Variants in FDX1 observed in about 807,000 individuals in gnomAD.
The protein encoded by FDX1 is ferredoxin 1.
Under a neutral mutation model 14.9 loss-of-function variants are expected in FDX1, and 9 were observed. The observed-to-expected ratio is 0.60, with a 90% CI of 0.36 to 1.05. FDX1 has a LOEUF of 1.05. FDX1 is among the 50% of genes least tolerant of loss of function. FDX1 has a pLI of 0.01. For missense variants in FDX1, 204 were observed against 237.2 expected (o/e 0.86, Z 0.92); for synonymous variants, 92 against 99.4 (o/e 0.93, Z 0.44).
At chr11:110,436,344 G>A (rs1946369061) in intron 2 of FDX1, among the ~76,000 whole-genome samples, 1 of 152,184 alleles carries the variant, frequency 6.6e-6, no homozygotes, top group Non-Finnish European at 1.5e-5. Flanking sequence ...ATCCTAGAAA[G>A]TGATTTATTT....
At chr11:110,451,747 G>A (rs1946487942) in intron 2 of FDX1, among the ~76,000 whole-genome samples, 1 of 152,236 alleles carries the variant, frequency 6.6e-6, no homozygotes, top group South Asian at 2.1e-4. Flanking sequence ...GGAATACTGT[G>A]CAGCCGTAGA....
intron 2 of FDX1, among the ~76,000 whole-genome samples, chr11:110,448,522 G>A (rs900618716): frequency 5.3e-5 from 8 of 152,170 alleles, no homozygotes; most frequent in South Asian, 4.1e-4. Context: ...GTCTTTTCCC[G>A]TTGGCAAACA....
rs12280425 is a variant in FDX1 at position 110,440,837 on chromosome 11, G to A, written c.310+4879G>A. ...GGATTTTAAAAAGACATTACGGTAG[G>A]AATATTTTTAAGCTCACAAAAAAAT... On this transcript the variant is annotated intron_variant, in intron 2 of 3. Coordinates refer to ENST00000260270, the MANE Select transcript of FDX1 (RefSeq NM_004109.5). 4.4e-3 allele frequency among the ~76,000 whole-genome samples: 673 copies of A among 152,262 alleles called. 6 individuals carry two copies. Among genetic ancestry groups the A allele is most frequent in the African/African-American group, 0.015 (643 of 41,540 alleles).
intron 2 of FDX1, among the ~76,000 whole-genome samples, chr11:110,448,000 A>G (rs73548018): frequency 0.013 from 2,014 of 152,318 alleles, 47 homozygotes; most frequent in African/African-American, 0.046. Context: ...ACAGTCATAA[A>G]TTTTGGAAAC....
chr11:110,436,215 C>A (rs927462796), intron 2 of FDX1, among the ~76,000 whole-genome samples: 2 of 152,024 alleles, frequency 1.3e-5, no homozygotes, highest in African/African-American at 4.8e-5. Flanking sequence ...ATGTGTGATA[C>A]AAAGCCGACG....
In FDX1 at chr11:110,430,290, C is replaced by T. The variant is rs1452212055; in HGVS notation, c.170C>T (p.Ala57Val). Residue 57 changes from alanine to valine, a missense_variant, in exon 1 of 4, where the codon GCG becomes GTG. Physicochemically the swap from Ala to Val is moderately conservative, Grantham distance 64. Transcript: ENST00000260270. ...GCGAGCCGGTCGCTGAGCGTGTCGG[C>T]GCGGGCCCGGAGCAGGTAGGGCGCC... ...AEASRSLSVSARARSSSEDKI... is the reference protein window; with the variant it reads ...AEASRSLSVSVRARSSSEDKI... 1.8e-5 allele frequency: 22 copies of T among 1,198,598 alleles called. No individual in the cohort carries two copies. The highest frequency in any genetic ancestry group is 2.2e-5 in the Non-Finnish European group (21 of 966,472). The allele number at this position is 1,198,598 out of a possible 1,614,324, so 74.2% of individuals were successfully genotyped here. A position where few individuals can be genotyped will look rare whatever the true frequency, so the allele number is the denominator to read the frequency against.
chr11:110,431,686 C>A (rs1946333007), intron 1 of FDX1, among the ~76,000 whole-genome samples: 1 of 152,184 alleles, frequency 6.6e-6, no homozygotes, highest in Non-Finnish European at 1.5e-5. Context: ...GCTTGTGTAA[C>A]TGGTATAAGG....
upstream of FDX1, among the ~76,000 whole-genome samples, chr11:110,429,670 AG>A (rs1416867263): frequency 6.6e-6 from 1 of 151,504 alleles, no homozygotes; most frequent in Non-Finnish European, 1.5e-5. Context: ...ACAATTTCCC[AG>A]TTTTTTTTTT....
At chr11:110,445,730 T>A (rs983015312) in intron 2 of FDX1, among the ~76,000 whole-genome samples, 5 of 152,214 alleles carry the variant, frequency 3.3e-5, no homozygotes, top group African/African-American at 1.2e-4. Context: ...GTATCTAACC[T>A]ACTCATAACT....
chr11:110,454,478 A>T (rs1275649077), intron 2 of FDX1, among the ~76,000 whole-genome samples: 4 of 152,222 alleles, frequency 2.6e-5, no homozygotes, highest in Non-Finnish European at 2.9e-5. Flanking sequence ...GTATGGCGGT[A>T]CAATAATTAT....
At chr11:110,443,460 G>A (rs1213562079) in intron 2 of FDX1, among the ~76,000 whole-genome samples, 11 of 122,684 alleles carry the variant, frequency 9.0e-5, no homozygotes, top group African/African-American at 3.1e-4. Context: ...TTTTTTTTGA[G>A]ACGTAGTTTT....
chr11:110,436,401 G>A (rs1049334715), intron 2 of FDX1, among the ~76,000 whole-genome samples: 5 of 152,074 alleles, frequency 3.3e-5, no homozygotes, highest in African/African-American at 4.8e-5. Context: ...TTAACTACAC[G>A]TGCAAAGCCT....
In FDX1 at chr11:110,435,405, CTG is replaced by C. The variant is rs545096787; in HGVS notation, c.186-426_186-425del. On this transcript the variant is annotated intron_variant, in intron 1 of 3. Transcript: ENST00000260270. ...ATAATAATTGCCAAATGTTTTATAACTGTGACTATTAGGGAGACATATACTGA... is the reference window on the plus strand; with the variant it reads ...ATAATAATTGCCAAATGTTTTATAACTGACTATTAGGGAGACATATACTGA... Among the ~76,000 whole-genome samples the C allele has an allele frequency of 1.8e-3, 271 of 152,328 alleles. 1 individual carries two copies. The highest frequency in any genetic ancestry group is 3.4e-3 in the Middle Eastern group (1 of 294).
At chr11:110,446,990 C>T (rs1946454033) in intron 2 of FDX1, among the ~76,000 whole-genome samples, 1 of 152,084 alleles carries the variant, frequency 6.6e-6, no homozygotes, top group Non-Finnish European at 1.5e-5. Context: ...GCCTGGGCAA[C>T]ATGGTGAAAA....
At chr11:110,430,912 T>C (rs2134563280) in intron 1 of FDX1, among the ~76,000 whole-genome samples, 1 of 152,358 alleles carries the variant, frequency 6.6e-6, no homozygotes, top group Middle Eastern at 3.4e-3. Flanking sequence ...ACTTGAAACT[T>C]GGCTTTGGCA....
chr11:110,436,635 A>T (rs1270044226), intron 2 of FDX1, among the ~76,000 whole-genome samples: 2 of 125,194 alleles, frequency 1.6e-5, no homozygotes, highest in African/African-American at 6.0e-5. Context: ...GGGTAGGTCC[A>T]GCATTGCATG....
In FDX1 at chr11:110,463,699, C is replaced by G. The variant is rs1946572620; in HGVS notation, c.*1231C>G. The G allele has an allele frequency of 6.6e-6, 1 of 152,094 alleles. No individual in the cohort carries two copies. The highest frequency in any genetic ancestry group is 2.1e-4 in the South Asian group (1 of 4,818). 9.4% of individuals were successfully genotyped at this position (152,094 alleles called of 1,614,324 possible). A position where few individuals can be genotyped will look rare whatever the true frequency, so the allele number is the denominator to read the frequency against. ...AGCATTGTGTTATGCCCATTGGGGA[C>G]ACAGAGGTGAACAAGACAAGGAATG... On this transcript the variant is annotated 3_prime_UTR_variant, in exon 4 of 4. Transcript: ENST00000260270.
chr11:110,457,738 T>A (rs1946531122), intron 3 of FDX1, among the ~76,000 whole-genome samples: 1 of 127,302 alleles, frequency 7.9e-6, no homozygotes, highest in Non-Finnish European at 1.6e-5. Context: ...AATAATTTTT[T>A]AAAAATTAAA....
chr11:110,442,336 A>T (rs1470081812), intron 2 of FDX1, among the ~76,000 whole-genome samples: 1 of 152,210 alleles, frequency 6.6e-6, no homozygotes, highest in Non-Finnish European at 1.5e-5. Context: ...CTTGCATGAT[A>T]TGCCTGGAAA....
Sources: allele counts gnomAD v4.1 joint callset (sites outside exome capture counted in the v4.1 genomes callset), GRCh38; gene constraint gnomAD v4.1.1; transcripts MANE v1.5; gene names NCBI Gene and HGNC (gene_info 2026-07-23, HGNC 2026-07-21).